Variants in PTPRJ observed in about 807,000 individuals in gnomAD.
PTPRJ encodes protein tyrosine phosphatase receptor type J, also known as receptor-type tyrosine-protein phosphatase eta.
PTPRJ carries 129 observed loss-of-function variants against 141.3 expected under a neutral mutation model. The observed-to-expected ratio is 0.91, with a 90% CI of 0.79 to 1.06. The LOEUF (loss-of-function observed/expected upper bound fraction) is 1.06, where lower values mean the gene tolerates loss of function less well. Among genes scored for constraint, PTPRJ ranks in the 50% least tolerant of loss-of-function variants. The pLI is 0.00. For synonymous variants in PTPRJ, 610 were observed against 640.5 expected (o/e 0.95, Z 0.72); for missense variants, 1,601 against 1,679.7 (o/e 0.95, Z 0.82).
At chr11:48,085,974 G>A (rs535479224) in intron 1 of PTPRJ, among the ~76,000 whole-genome samples, 1 of 152,222 alleles carries the variant, frequency 6.6e-6, no homozygotes, top group South Asian at 2.1e-4. Context: ...TGGGGGTGGG[G>A]TGGTAAGAAA....
intron 1 of PTPRJ, among the ~76,000 whole-genome samples, chr11:48,026,930 G>T (rs940081026): frequency 2.0e-5 from 3 of 151,476 alleles, no homozygotes; most frequent in African/African-American, 7.3e-5. Flanking sequence ...TTTTTAAAGG[G>T]CCCTTTTCAA....
intron 1 of PTPRJ, among the ~76,000 whole-genome samples, chr11:48,077,656 C>T (rs1855440961): frequency 6.6e-6 from 1 of 152,188 alleles, no homozygotes; most frequent in Non-Finnish European, 1.5e-5. Context: ...TACCCCATGC[C>T]TTTGCACGAA....
intron 9 of PTPRJ, 119 bp from the exon 10 acceptor site, chr11:48,136,884 A>G: frequency 3.9e-6 from 4 of 1,021,722 alleles, no homozygotes; most frequent in Non-Finnish European, 5.7e-6. Context: ...TGAGCCAGCA[A>G]ATACTAGTTT....
rs182341430 is a variant in PTPRJ, at chr11:48,057,552, G to A, written c.97-52506G>A. On this transcript the variant is annotated intron_variant, in intron 1 of 24. Transcript: ENST00000418331. ...CTTGGGTACCCAGAGGCCTTCTCAC[G>A]TGGGTCGAGGCAGGTGGTGGAGGTG... is the stretch of plus-strand genomic sequence containing the variant. Among the ~76,000 whole-genome samples the A allele has an allele frequency of 3.0e-3, 451 of 152,228 alleles. 4 individuals are homozygous for A. Among genetic ancestry groups the A allele is most frequent in the Admixed American group, 4.2e-3 (64 of 15,280 alleles).
intron 9 of PTPRJ, 59 bp downstream of exon 9, chr11:48,136,355 G>A: frequency 6.4e-7 from 1 of 1,568,060 alleles, no homozygotes; most frequent in South Asian, 1.2e-5. Flanking sequence ...CTTGGAGGAG[G>A]CACTGGTTAA....
chr11:47,994,263 G>A (rs1192009974), intron 1 of PTPRJ, among the ~76,000 whole-genome samples: 4 of 151,710 alleles, frequency 2.6e-5, no homozygotes, highest in African/African-American at 9.7e-5. Context: ...CCTTTTTGAT[G>A]CGATTTCTTT....
intron 3 of PTPRJ, among the ~76,000 whole-genome samples, 184 bp from the exon 4 acceptor site, chr11:48,120,819 A>G (rs1856685638): frequency 6.6e-6 from 1 of 152,136 alleles, no homozygotes. Context: ...TTTTACTAAC[A>G]TACACACATA....
intron 8 of PTPRJ, chr11:48,131,449 C>A: frequency 1.3e-6 from 1 of 766,926 alleles, no homozygotes; most frequent in Admixed American, 1.7e-5. Context: ...TGTAATCTGC[C>A]TTTTCCCCAA....
intron 13 of PTPRJ, 56 bp from the exon 14 acceptor site, chr11:48,144,944 A>G (rs1857316425): frequency 1.2e-6 from 2 of 1,614,054 alleles, no homozygotes; most frequent in Admixed American, 1.7e-5. Context: ...AAAGCTCTAC[A>G]TGCCTGCGGT....
At chr11:48,103,725 C>T (rs1040993812) in intron 1 of PTPRJ, among the ~76,000 whole-genome samples, 4 of 152,100 alleles carry the variant, frequency 2.6e-5, no homozygotes, top group Non-Finnish European at 5.9e-5. Context: ...TATGGAGTTC[C>T]TCCTAAGAGT....
At chr11:48,137,349 C>G (rs1193110809) in intron 10 of PTPRJ, 68 bp downstream of exon 10, 2 of 1,514,816 alleles carry the variant, frequency 1.3e-6, no homozygotes, top group Non-Finnish European at 1.8e-6. Context: ...GTCAGTCCTC[C>G]CAAGTCTGTA....
intron 1 of PTPRJ, among the ~76,000 whole-genome samples, chr11:47,986,148 A>G (rs865900606): frequency 3.3e-5 from 5 of 152,288 alleles, no homozygotes; most frequent in African/African-American, 9.6e-5. Flanking sequence ...TAAACCCTGT[A>G]TGATCTGCTC....
At chr11:48,028,065 G>T (rs1194238129) in intron 1 of PTPRJ, among the ~76,000 whole-genome samples, 1 of 152,148 alleles carries the variant, frequency 6.6e-6, no homozygotes, top group African/African-American at 2.4e-5. Context: ...GTTGCATGGG[G>T]CTTGCATATT....
intron 1 of PTPRJ, among the ~76,000 whole-genome samples, chr11:48,056,288 C>T (rs1854749898): frequency 6.6e-6 from 1 of 152,178 alleles, no homozygotes; most frequent in South Asian, 2.1e-4. Flanking sequence ...CCATAAGACC[C>T]TAGTTCAGAT....
At position 47,980,963 on chromosome 11, in the gene PTPRJ, G is replaced by T. The variant is rs1445106403; in HGVS notation, c.51G>T (p.Leu17=). The T allele has an allele frequency of 1.3e-5, 16 of 1,209,414 alleles. No homozygotes were observed. The highest frequency in any genetic ancestry group is 1.6e-5 in the Non-Finnish European group (16 of 974,066). The allele number at this position is 1,209,414 out of a possible 1,614,324, so 74.9% of individuals were successfully genotyped here. A position where few individuals can be genotyped will look rare whatever the true frequency, so the allele number is the denominator to read the frequency against. ...GGCTGCCTCCGCGCTCGCCCGGGCTGCGCTGGGCGCTGCCGCTGCTGCTGC... is the reference window on the plus strand; with the variant it reads ...GGCTGCCTCCGCGCTCGCCCGGGCTTCGCTGGGCGCTGCCGCTGCTGCTGC... ...EARLPPRSPG[L]RWALPLLLLL... Residue 17 remains leucine, a synonymous_variant, in exon 1 of 25, where the codon CTG becomes CTT. Coordinates refer to ENST00000418331, the MANE Select transcript of PTPRJ (RefSeq NM_002843.4).
At chr11:48,069,369 G>C (rs1855172939) in intron 1 of PTPRJ, among the ~76,000 whole-genome samples, 1 of 151,354 alleles carries the variant, frequency 6.6e-6, no homozygotes, top group African/African-American at 2.4e-5. Context: ...AAAGTGCTGA[G>C]ATTACAGGCA....
rs979407513 is a variant in PTPRJ at position 48,153,772 on chromosome 11, A to G, written c.3139-24A>G. On this transcript the variant is annotated intron_variant, in intron 18 of 24. Coordinates refer to ENST00000418331, the MANE Select transcript of PTPRJ (RefSeq NM_002843.4). ...TAATATTTGAAGACTAAATAAATGA[A>G]CACCTCATTTGTTTTGTTTTCAGGA... is the stretch of plus-strand genomic sequence containing the variant. 2.7e-6 allele frequency: 4 copies of G among 1,459,292 alleles called. 1 individual carries two copies. The highest frequency in any genetic ancestry group is 1.7e-4 in the Middle Eastern group (1 of 5,786). The allele number at this position is 1,459,292 out of a possible 1,614,324, so 90.4% of individuals were successfully genotyped here.
At chr11:47,989,296 T>G (rs1449256170) in intron 1 of PTPRJ, among the ~76,000 whole-genome samples, 2 of 151,706 alleles carry the variant, frequency 1.3e-5, no homozygotes, top group Non-Finnish European at 2.9e-5. Flanking sequence ...GACAGAGTTT[T>G]GCTCTTGTTG....
intron 1 of PTPRJ, among the ~76,000 whole-genome samples, chr11:48,049,915 C>T (rs1272078516): frequency 6.6e-6 from 1 of 151,956 alleles, no homozygotes; most frequent in Non-Finnish European, 1.5e-5. Context: ...TTTCTTTTTG[C>T]AATGGAAGCT....
Sources: gnomAD v4.1 joint callset for allele counts (sites outside exome capture counted in the v4.1 genomes callset) on GRCh38, gnomAD v4.1.1 for gene constraint, MANE v1.5 for transcripts, NCBI Gene and HGNC (gene_info 2026-07-23, HGNC 2026-07-21) for gene names.